The following MAST4 variants were observed in gnomAD, a reference collection of about 807,000 sequenced individuals.
The protein encoded by MAST4 is microtubule associated serine/threonine kinase family member 4.
In MAST4, 89 loss-of-function variants were observed where a neutral mutation model predicts 162.7. The ratio of observed to expected loss-of-function variants is 0.55; its 90% confidence interval spans 0.46 to 0.65. The LOEUF (loss-of-function observed/expected upper bound fraction) is 0.65. Ranked by LOEUF, MAST4 falls within the 30% of genes least tolerant of loss-of-function variation. The probability of loss-of-function intolerance (pLI) is 0.00; values close to 1 mark genes in which losing one functional copy is unlikely to be tolerated. For missense variants in MAST4, 3,153 were observed against 3,374.0 expected (o/e 0.93, Z 1.62); for synonymous variants, 1,479 against 1,361.1 (o/e 1.09, Z -1.91).
intron 1 of MAST4, among the ~76,000 whole-genome samples, chr5:66,605,610 T>G (rs1051897177): frequency 6.6e-6 from 1 of 152,214 alleles, no homozygotes; most frequent in Non-Finnish European, 1.5e-5. Context: ...ACTTGGTTAT[T>G]TGTTCTACAG....
chr5:66,625,387 C>A (rs1012722191), intron 1 of MAST4, among the ~76,000 whole-genome samples: 2 of 152,170 alleles, frequency 1.3e-5, no homozygotes, highest in African/African-American at 4.8e-5. Flanking sequence ...TGGCCTGTTA[C>A]CCCCATGACA....
intron 16 of MAST4, 125 bp from the exon 17 acceptor site, chr5:67,133,389 T>C: frequency 9.5e-7 from 1 of 1,050,366 alleles, no homozygotes; most frequent in Non-Finnish European, 1.4e-6. Context: ...CCAGGCTGGG[T>C]TTTGTAATAA....
At chr5:66,999,840 T>C (rs937192397) in intron 4 of MAST4, among the ~76,000 whole-genome samples, 4 of 152,194 alleles carry the variant, frequency 2.6e-5, no homozygotes, top group African/African-American at 9.7e-5. Context: ...TTGCCTATTA[T>C]CTGTCTTAGT....
intron 8 of MAST4, among the ~76,000 whole-genome samples, chr5:67,101,688 C>T (rs1423497520): frequency 6.6e-6 from 1 of 152,048 alleles, no homozygotes; most frequent in Non-Finnish European, 1.5e-5. Context: ...TACTTAGTCT[C>T]ATAAACTAAT....
In MAST4 at chr5:66,956,042, C is replaced by T. The variant is rs565019660; in HGVS notation, c.674+56060C>T. Among the ~76,000 whole-genome samples, 9 of 151,562 alleles carry T rather than the reference C, an allele frequency of 5.9e-5. No homozygotes were observed. The South Asian group carries it at 1.7e-3, about 28-fold the overall frequency. On this transcript the variant is annotated intron_variant, in intron 4 of 28. Coordinates refer to ENST00000403625, the MANE Select transcript of MAST4 (RefSeq NM_001164664.2). The stretch of plus-strand genomic sequence containing the variant: ...CTTGCTATGTTGTCCATGCTGGTCT[C>T]GAGCTCCTGGCCTTAAGTAATCCTC...
intron 1 of MAST4, among the ~76,000 whole-genome samples, chr5:66,645,420 T>C (rs1745765753): frequency 6.6e-6 from 1 of 152,208 alleles, no homozygotes; most frequent in African/African-American, 2.4e-5. Flanking sequence ...CAGAATGAAG[T>C]GCAAAGACGA....
At chr5:67,021,659 C>T (rs1031028482) in intron 4 of MAST4, among the ~76,000 whole-genome samples, 10 of 152,128 alleles carry the variant, frequency 6.6e-5, no homozygotes, top group Non-Finnish European at 1.3e-4. Flanking sequence ...TGATTAGGGA[C>T]ACCCTGGTGT....
intron 1 of MAST4, among the ~76,000 whole-genome samples, chr5:66,741,082 C>T (rs1352243227): frequency 6.6e-6 from 1 of 152,176 alleles, no homozygotes; most frequent in East Asian, 1.9e-4. Flanking sequence ...TTTTCTCAAA[C>T]ATACTGAATG....
chr5:67,120,910 T>A, intron 13 of MAST4, 107 bp from the exon 14 acceptor site: 1 of 797,128 alleles, frequency 1.3e-6, no homozygotes. Context: ...AATACTGTAC[T>A]TCAACATATT....
intron 4 of MAST4, chr5:66,959,134 G>A (rs1745679669): frequency 1.4e-6 from 1 of 731,044 alleles, no homozygotes; most frequent in African/African-American, 1.7e-5. Flanking sequence ...TCCCCCTCGA[G>A]AGAGTGTTAG....
chr5:66,776,746 T>G (rs1485736106), intron 2 of MAST4, among the ~76,000 whole-genome samples: 1 of 152,168 alleles, frequency 6.6e-6, no homozygotes, highest in Non-Finnish European at 1.5e-5. Context: ...ATGCAGGATA[T>G]TGTGCTAGGT....
chr5:66,735,225 G>A (rs1752087587), intron 1 of MAST4, among the ~76,000 whole-genome samples: 1 of 151,998 alleles, frequency 6.6e-6, no homozygotes, highest in Non-Finnish European at 1.5e-5. Context: ...TGCTATCTTG[G>A]AACTACAGAA....
At chr5:67,149,677 C>G (rs1771568852) in intron 24 of MAST4, 88 bp downstream of exon 24, 5 of 1,307,962 alleles carry the variant, frequency 3.8e-6, no homozygotes, top group South Asian at 1.3e-5. Flanking sequence ...GAATGAGATG[C>G]AAGATTGCTT....
intron 1 of MAST4, among the ~76,000 whole-genome samples, chr5:66,617,368 C>T (rs1031919985): frequency 3.3e-5 from 5 of 152,162 alleles, no homozygotes; most frequent in African/African-American, 9.7e-5. Flanking sequence ...TCACCATTTC[C>T]TGGTTAAGGA....
chr5:66,666,808 T>C (rs1390242936), intron 1 of MAST4, among the ~76,000 whole-genome samples: 1 of 152,252 alleles, frequency 6.6e-6, no homozygotes, highest in African/African-American at 2.4e-5. Context: ...AATCACAGCA[T>C]GCAAATGAAA....
intron 3 of MAST4, among the ~76,000 whole-genome samples, chr5:66,845,126 T>TATATATATATATATACAC (rs1358855625): frequency 6.0e-5 from 4 of 67,170 alleles, no homozygotes; most frequent in African/African-American, 5.6e-5. Context: ...TATATATATA[T>TATATATATATATATACAC]ACACACACAC....
intron 19 of MAST4, among the ~76,000 whole-genome samples, chr5:67,137,822 G>A (rs1463886907): frequency 6.6e-6 from 1 of 152,128 alleles, no homozygotes; most frequent in African/African-American, 2.4e-5. Context: ...ATGCTACAAG[G>A]GCAGAGTTAG....
chr5:66,734,166 T>TA (rs1752024657), intron 1 of MAST4, among the ~76,000 whole-genome samples: 2 of 152,376 alleles, frequency 1.3e-5, no homozygotes, highest in South Asian at 4.1e-4. Context: ...TGTGACCTTG[T>TA]ATGTATCTGC....
intron 1 of MAST4, among the ~76,000 whole-genome samples, chr5:66,620,107 A>G (rs541553581): frequency 6.9e-6 from 1 of 144,218 alleles, no homozygotes; most frequent in African/African-American, 2.6e-5. Flanking sequence ...AATAATTGTT[A>G]CCTGGTTATT....
Sources: allele counts gnomAD v4.1 joint callset (sites outside exome capture counted in the v4.1 genomes callset), GRCh38; gene constraint gnomAD v4.1.1; transcripts MANE v1.5; gene names NCBI Gene and HGNC (gene_info 2026-07-23, HGNC 2026-07-21).